The following SPHKAP variants were observed in gnomAD, a reference collection of about 807,000 sequenced individuals.
The protein encoded by SPHKAP is SPHK1 interactor, AKAP domain containing.
SPHKAP carries 67 observed loss-of-function variants against 137.5 expected under a neutral mutation model. The ratio of observed to expected loss-of-function variants is 0.49; its 90% CI spans 0.40 to 0.60. The LOEUF (loss-of-function observed/expected upper bound fraction) is 0.60. Ranked by LOEUF, SPHKAP falls within the 20% of genes least tolerant of loss-of-function variation. The probability of loss-of-function intolerance (pLI) is 0.00; values close to 1 mark genes in which losing one functional copy is unlikely to be tolerated. For missense variants in SPHKAP, 2,097 were observed against 2,069.3 expected (o/e 1.01, Z -0.26); for synonymous variants, 813 against 785.3 (o/e 1.04, Z -0.59).
rs35526328 is a variant in SPHKAP, at chr2:228,008,683, A to AT, written c.4448+7722dup. 2.1e-3 allele frequency among the ~76,000 whole-genome samples: 305 copies of AT among 144,940 alleles called. 1 individual carries two copies. Among genetic ancestry groups the AT allele is most frequent in the East Asian group, 9.7e-3 (48 of 4,924 alleles). On this transcript the variant is annotated intron_variant, in intron 7 of 11. Coordinates refer to ENST00000392056, the MANE Select transcript of SPHKAP (RefSeq NM_001142644.2). ...CAAATGGTGTAATGTGTCTGGATTC[A>AT]TTTTTTTTTTTTTGCATGTAAATGT...
At chr2:228,044,415 C>T (rs1574793534) in intron 3 of SPHKAP, among the ~76,000 whole-genome samples, 2 of 152,244 alleles carry the variant, frequency 1.3e-5, no homozygotes, top group East Asian at 3.9e-4. Context: ...TTCTTAGTTT[C>T]ACGGGTACTC....
intron 3 of SPHKAP, among the ~76,000 whole-genome samples, chr2:228,038,557 A>C (rs1276962455): frequency 1.3e-5 from 2 of 152,210 alleles, no homozygotes; most frequent in Non-Finnish European, 2.9e-5. Flanking sequence ...ATTCTCTGTA[A>C]AATGCCTGCA....
At chr2:228,052,928 A>G (rs1696309717) in intron 3 of SPHKAP, among the ~76,000 whole-genome samples, 1 of 152,292 alleles carries the variant, frequency 6.6e-6, no homozygotes, top group East Asian at 1.9e-4. Flanking sequence ...TATCCTTAGA[A>G]GACTTCTTAC....
intron 1 of SPHKAP, among the ~76,000 whole-genome samples, chr2:228,147,672 A>T (rs934296405): frequency 2.0e-5 from 3 of 152,196 alleles, no homozygotes; most frequent in African/African-American, 7.2e-5. Flanking sequence ...AATGGGACTC[A>T]TATGATTCAC....
chr2:228,069,248 C>G (rs1696929265), intron 3 of SPHKAP, among the ~76,000 whole-genome samples: 1 of 152,052 alleles, frequency 6.6e-6, no homozygotes, highest in African/African-American at 2.4e-5. Flanking sequence ...GCCTGGGCGA[C>G]AAGAGCAAAA....
At chr2:227,990,777 C>T in intron 11 of SPHKAP, 1 of 463,848 alleles carries the variant, frequency 2.2e-6, no homozygotes, top group African/African-American at 2.0e-5. Flanking sequence ...ATTTACTTTT[C>T]TCACTACCAC....
At chr2:228,026,668 A>G (rs1293530342) in intron 4 of SPHKAP, among the ~76,000 whole-genome samples, 1 of 152,164 alleles carries the variant, frequency 6.6e-6, no homozygotes, top group African/African-American at 2.4e-5. Context: ...ATACAATTGT[A>G]TGTGTAATTT....
intron 2 of SPHKAP, among the ~76,000 whole-genome samples, chr2:228,118,113 A>G (rs1204903777): frequency 2.0e-5 from 3 of 151,946 alleles, no homozygotes; most frequent in African/African-American, 4.8e-5. Flanking sequence ...TATAATACGT[A>G]GCCTTTTATG....
At chr2:228,058,316 C>T (rs1696516031) in intron 3 of SPHKAP, among the ~76,000 whole-genome samples, 1 of 152,210 alleles carries the variant, frequency 6.6e-6, no homozygotes, top group Non-Finnish European at 1.5e-5. Context: ...ATTATACACA[C>T]ATTAGGTTAC....
At chr2:228,143,274 G>T (rs1173875487) in intron 1 of SPHKAP, among the ~76,000 whole-genome samples, 1 of 152,058 alleles carries the variant, frequency 6.6e-6, no homozygotes, top group Non-Finnish European at 1.5e-5. Context: ...AGGTGCGGTG[G>T]CTCACGCCTG....
chr2:228,066,269 A>G (rs942718199), intron 3 of SPHKAP, among the ~76,000 whole-genome samples: 1 of 152,102 alleles, frequency 6.6e-6, no homozygotes, highest in African/African-American at 2.4e-5. Flanking sequence ...AGATTTTCCA[A>G]CAAAACACGG....
rs1269442151 is a variant in SPHKAP, at chr2:228,016,874, T to C, written c.3980A>G (p.Asp1327Gly). ...AGGCTCAGTGTCAGCTTCCTCTGCA[T>C]CATCCACAATGATTTTGTTCTTGCG... ...LMRKNKIIVD[D>G]AEEADTEPVS... The change falls in exon 7 of 12, where the codon GAT (aspartate) becomes GGT (glycine). Residue 1327 changes from aspartate to glycine, a missense_variant. By Grantham distance (94) the Asp-to-Gly change is moderately conservative. Transcript: ENST00000392056. 6.2e-7 allele frequency: 1 copy of C among 1,614,110 alleles called. No individual in the cohort carries two copies. The highest frequency in any genetic ancestry group is 1.1e-5 in the South Asian group (1 of 91,074).
Position 228,075,062 on chromosome 2 carries a change from A to AGAC in SPHKAP, c.246+33769_246+33770insGTC, listed in dbSNP as rs1574826326. ...TTTTGGTTCTGAAAGGGCAGAGGGT[A>AGAC]TGTTTAGCTTAGTCACCATGGTAGC... On this transcript the variant is annotated intron_variant, in intron 3 of 11. Transcript: ENST00000392056. 4.6e-5 allele frequency among the ~76,000 whole-genome samples: 7 copies of AGAC among 152,330 alleles called. No homozygotes were observed. The East Asian group carries it at 1.4e-3, about 29-fold the overall frequency.
At chr2:228,049,048 T>C (rs1300653033) in intron 3 of SPHKAP, among the ~76,000 whole-genome samples, 1 of 152,170 alleles carries the variant, frequency 6.6e-6, no homozygotes. Context: ...ATCCCAGCTC[T>C]GCTCCTATTG....
At chr2:228,156,698 A>G (rs1405871986) in intron 1 of SPHKAP, among the ~76,000 whole-genome samples, 1 of 152,058 alleles carries the variant, frequency 6.6e-6, no homozygotes, top group Non-Finnish European at 1.5e-5. Context: ...TGTGGGAGGG[A>G]CCCTGTGAGA....
At chr2:228,131,869 T>C in intron 2 of SPHKAP, 111 bp downstream of exon 2, 1 of 1,440,402 alleles carries the variant, frequency 6.9e-7, no homozygotes, top group Non-Finnish European at 9.4e-7. Context: ...TGAGCCATTT[T>C]GTTGTTTGTT....
At chr2:228,036,460 T>C (rs1338204487) in intron 3 of SPHKAP, among the ~76,000 whole-genome samples, 1 of 152,234 alleles carries the variant, frequency 6.6e-6, no homozygotes, top group Non-Finnish European at 1.5e-5. Flanking sequence ...TCAACCATTG[T>C]GGAAGACAGT....
Position 228,164,653 on chromosome 2 carries a change from C to A in SPHKAP, c.32+16914G>T, listed in dbSNP as rs573536431. 2.0e-5 allele frequency among the ~76,000 whole-genome samples: 3 copies of A among 152,304 alleles called. No homozygotes were observed. The South Asian group carries it at 6.2e-4, about 32-fold the overall frequency. On this transcript the variant is annotated intron_variant, in intron 1 of 11. Coordinates refer to ENST00000392056, the MANE Select transcript of SPHKAP (RefSeq NM_001142644.2). ...GTTTTTAGGAGGAATACCCAATGGTCCCCAAGGCTTAACCTATTCTGGCCC... is the reference window on the plus strand; with the variant it reads ...GTTTTTAGGAGGAATACCCAATGGTACCCAAGGCTTAACCTATTCTGGCCC...
chr2:228,045,633 G>C (rs1696016148), intron 3 of SPHKAP, among the ~76,000 whole-genome samples: 1 of 151,746 alleles, frequency 6.6e-6, no homozygotes, highest in Non-Finnish European at 1.5e-5. Flanking sequence ...AGCATTAGGA[G>C]ATATACCTAA....
Sources: allele counts gnomAD v4.1 joint callset (sites outside exome capture counted in the v4.1 genomes callset), GRCh38; gene constraint gnomAD v4.1.1; transcripts MANE v1.5; gene names NCBI Gene and HGNC (gene_info 2026-07-23, HGNC 2026-07-21).